HSPA4L: variants seen among roughly 807,000 people sequenced by gnomAD.
HSPA4L encodes heat shock 70 kDa protein 4L.
HSPA4L carries 48 observed loss-of-function variants against 100.3 expected under a neutral mutation model. The ratio of observed to expected loss-of-function variants is 0.48; its 90% CI spans 0.38 to 0.61. HSPA4L has a LOEUF of 0.61. Among genes scored for constraint, HSPA4L ranks in the 20% least tolerant of loss-of-function variants. HSPA4L has a pLI of 0.00. For synonymous variants in HSPA4L, 319 were observed against 328.2 expected, an observed-to-expected ratio of 0.97 and a Z score of 0.30; for missense variants, 886 against 988.6, an observed-to-expected ratio of 0.90 and a Z score of 1.39.
upstream of HSPA4L, chr4:127,781,884 G>T (rs1732560766): frequency 4.1e-5 from 14 of 341,170 alleles, 1 homozygote; most frequent in South Asian, 2.9e-4. Flanking sequence ...GTGAGGGGGC[G>T]GCGCCCGCCA....
chr4:127,817,222 T>C (rs6856188), intron 12 of HSPA4L, among the ~76,000 whole-genome samples: 152,213 of 152,248 alleles, frequency 1, 76,089 homozygotes, highest in East Asian at 1. Context: ...TGCACCACCA[T>C]GCCTGGCTAA....
intron 3 of HSPA4L, among the ~76,000 whole-genome samples, chr4:127,798,339 A>C (rs1430834452): frequency 6.6e-6 from 1 of 152,206 alleles, no homozygotes; most frequent in African/African-American, 2.4e-5. Context: ...CTGAGAGGGT[A>C]GAAACTACAC....
chr4:127,831,856 C>CT lies in HSPA4L; in HGVS notation c.2329-818dup, dbSNP rs779775174. On this transcript the variant is annotated intron_variant, in intron 18 of 18. Coordinates refer to ENST00000296464, the MANE Select transcript of HSPA4L (RefSeq NM_014278.4). ...TGTTTTGGGATATGTGATTTTTTTT[C>CT]TTTTTTTTTAACAAAAGCTGGTATT... Among the ~76,000 whole-genome samples the CT allele has an allele frequency of 2.3e-3, 342 of 149,630 alleles. 3 individuals carry two copies. The highest frequency in any genetic ancestry group is 6.6e-3 in the African/African-American group (270 of 40,812).
chr4:127,820,035 G>GTA (rs1733767310), intron 13 of HSPA4L, among the ~76,000 whole-genome samples: 3 of 151,954 alleles, frequency 2.0e-5, no homozygotes, highest in Non-Finnish European at 2.9e-5. Context: ...ACATTGTTTT[G>GTA]TTAAGATTGT....
At chr4:127,810,331 G>A (rs1412033263) in intron 11 of HSPA4L, among the ~76,000 whole-genome samples, 2 of 152,146 alleles carry the variant, frequency 1.3e-5, no homozygotes, top group Non-Finnish European at 2.9e-5. Flanking sequence ...ATTATATAAA[G>A]CAGTAAAATT....
intron 16 of HSPA4L, among the ~76,000 whole-genome samples, chr4:127,824,903 G>A (rs550383233): frequency 3.9e-5 from 6 of 152,280 alleles, no homozygotes; most frequent in Admixed American, 1.3e-4. Context: ...TTGGGAGGCC[G>A]AGGCGGGCGG....
At chr4:127,793,183 C>G (rs1449785078) in intron 1 of HSPA4L, among the ~76,000 whole-genome samples, 1 of 152,072 alleles carries the variant, frequency 6.6e-6, no homozygotes. Context: ...ACTTACATAC[C>G]TATATATCAG....
chr4:127,801,280 GTTCTAGTTTTTTTCTAATTA>G (rs1188459099), intron 5 of HSPA4L, 43 bp downstream of exon 5: 10 of 1,327,200 alleles, frequency 7.5e-6, no homozygotes, highest in Non-Finnish European at 1.1e-5. Flanking sequence ...GCAAAATACT[GTTCTAGTTTTTTTCTAATTA>G]TTAACAAAGC....
At position 127,839,670 on chromosome 4, in the gene HSPA4L, G is replaced by A. The variant is rs1281711691; in HGVS notation, c.*6796G>A. 6.6e-6 allele frequency: 1 copy of A among 151,674 alleles called. No homozygotes were observed. Among genetic ancestry groups the A allele is most frequent in the Non-Finnish European group, 1.5e-5 (1 of 67,934 alleles). The allele number at this position is 151,674 out of a possible 1,614,324, so 9.4% of individuals were successfully genotyped here. A position where few individuals can be genotyped will look rare whatever the true frequency, so the allele number is the denominator to read the frequency against. On this transcript the variant is annotated 3_prime_UTR_variant, in exon 19 of 19. Transcript: ENST00000296464. ...ATCCTGCCACTGCACTCCAACCTGG[G>A]GGTAACAGAGCGAGACTCTGTCTCA...
Position 127,827,405 on chromosome 4 carries a change from TAGA to T in HSPA4L, c.2150_2152del (p.Glu717del). ...AAGATCCAACTTGTCATGAAAGTGA[TAGA>T]AGCTTATAGAAACAAGGTATTGAAT... On this transcript the variant is annotated inframe_deletion, in exon 17 of 19. Transcript: ENST00000296464. The T allele has an allele frequency of 3.1e-6, 5 of 1,613,726 alleles. No homozygotes were observed. Among genetic ancestry groups the T allele is most frequent in the Non-Finnish European group, 3.4e-6 (4 of 1,179,710 alleles).
In HSPA4L at chr4:127,830,671, A is replaced by G. The variant is rs748234108; in HGVS notation, c.2200A>G (p.Met734Val). Residue 734 changes from methionine (M) to valine (V), a missense_variant, in exon 18 of 19, where the codon ATG (methionine) becomes GTG (valine). Physicochemically the swap from Met to Val is conservative, Grantham distance 21. Transcript: ENST00000296464. ...ERYDHLDPTE[M>V]EKVEKCISDA... ...ATATGATCATCTGGATCCTACTGAA[A>G]TGGAAAAGGTTGAAAAATGTATCAG... is the stretch of plus-strand genomic sequence containing the variant. The G allele has an allele frequency of 1.2e-6, 2 of 1,606,244 alleles. No individual in the cohort carries two copies. Among genetic ancestry groups the G allele is most frequent in the South Asian group, 1.1e-5 (1 of 89,316 alleles).
At chr4:127,809,305 G>T in intron 11 of HSPA4L, 1 of 1,208,608 alleles carries the variant, frequency 8.3e-7, no homozygotes, top group Non-Finnish European at 1.2e-6. Context: ...GCACTCTCGA[G>T]ACCCTGTCTT....
chr4:127,809,808 C>T (rs1733475422), intron 11 of HSPA4L, among the ~76,000 whole-genome samples: 1 of 152,126 alleles, frequency 6.6e-6, no homozygotes, highest in Admixed American at 6.6e-5. Flanking sequence ...CAGTAGATTT[C>T]CAAGAATCAT....
intron 13 of HSPA4L, 52 bp from the exon 14 acceptor site, chr4:127,820,376 A>G (rs989526407): frequency 1.1e-5 from 16 of 1,487,492 alleles, no homozygotes; most frequent in Admixed American, 9.6e-5. Context: ...TACCTCTTAA[A>G]TCTATTTTTA....
At chr4:127,812,564 A>G (rs565502523) in intron 12 of HSPA4L, among the ~76,000 whole-genome samples, 1 of 152,222 alleles carries the variant, frequency 6.6e-6, no homozygotes, top group Non-Finnish European at 1.5e-5. Context: ...TGTGCTCCTC[A>G]TGAATTATTT....
chr4:127,789,964 T>C (rs2148776306), intron 1 of HSPA4L, among the ~76,000 whole-genome samples: 1 of 152,310 alleles, frequency 6.6e-6, no homozygotes, highest in Middle Eastern at 3.4e-3. Context: ...TCGAAGGAGT[T>C]TGAAGGGTGC....
At chr4:127,799,068 CA>C (rs1299527576) in intron 4 of HSPA4L, among the ~76,000 whole-genome samples, 2 of 151,938 alleles carry the variant, frequency 1.3e-5, no homozygotes, top group Non-Finnish European at 2.9e-5. Flanking sequence ...GGTTGTGTAT[CA>C]GGGGAAAAAA....
At chr4:127,786,941 A>G (rs571669009) in intron 1 of HSPA4L, among the ~76,000 whole-genome samples, 1 of 152,314 alleles carries the variant, frequency 6.6e-6, no homozygotes, top group South Asian at 2.1e-4. Flanking sequence ...ATTATGGAGG[A>G]GGTGCTTTTA....
chr4:127,785,192 A>G (rs1732681444), intron 1 of HSPA4L, among the ~76,000 whole-genome samples: 1 of 152,224 alleles, frequency 6.6e-6, no homozygotes, highest in Non-Finnish European at 1.5e-5. Flanking sequence ...GAGTGTTTAT[A>G]CTAGCCTCTC....
Sources: allele counts gnomAD v4.1 joint callset (sites outside exome capture counted in the v4.1 genomes callset), GRCh38; gene constraint gnomAD v4.1.1; transcripts MANE v1.5; gene names NCBI Gene and HGNC (gene_info 2026-07-23, HGNC 2026-07-21).